Variants in METTL25 observed in about 807,000 individuals in gnomAD.
The protein encoded by METTL25 is probable methyltransferase-like protein 25.
In METTL25, 64 loss-of-function variants were observed where a neutral mutation model predicts 71.6. That is an observed-to-expected ratio of 0.89 (90% CI 0.73 to 1.10). The LOEUF is 1.10. METTL25 is among the 50% of genes least tolerant of loss of function. METTL25 has a pLI of 0.00. For missense variants in METTL25, 807 were observed against 707.0 expected, an observed-to-expected ratio of 1.14 and a Z score of -1.60; for synonymous variants, 287 against 250.3, an observed-to-expected ratio of 1.15 and a Z score of -1.38.
chr12:82,384,025 G>A (rs1182288909), intron 1 of METTL25, among the ~76,000 whole-genome samples: 1 of 151,278 alleles, frequency 6.6e-6, no homozygotes, highest in African/African-American at 2.4e-5. Flanking sequence ...TAGTGGTATG[G>A]GGTACATAAA....
intron 3 of METTL25, 26 bp from the exon 4 acceptor site, chr12:82,398,769 A>G (rs370266934): frequency 4.7e-5 from 66 of 1,404,644 alleles, no homozygotes; most frequent in Non-Finnish European, 5.4e-5. Context: ...AAAATTCTTT[A>G]ATTTATTCTT....
At chr12:82,478,345 A>G (rs987085416) in intron 11 of METTL25, among the ~76,000 whole-genome samples, 4 of 151,806 alleles carry the variant, frequency 2.6e-5, no homozygotes, top group African/African-American at 9.7e-5. Flanking sequence ...TTCAATTAAT[A>G]TCTTATAAAG....
intron 3 of METTL25, among the ~76,000 whole-genome samples, chr12:82,390,721 A>G (rs1343422865): frequency 6.6e-6 from 1 of 152,054 alleles, no homozygotes; most frequent in Non-Finnish European, 1.5e-5. Context: ...GGGTGGGTAT[A>G]GAGTAAGAGC....
At chr12:82,469,372 G>A (rs1892436977) in intron 9 of METTL25, among the ~76,000 whole-genome samples, 1 of 152,052 alleles carries the variant, frequency 6.6e-6, no homozygotes, top group Non-Finnish European at 1.5e-5. Context: ...GGGCTGGGGA[G>A]TCTTCAGGAA....
intron 8 of METTL25, among the ~76,000 whole-genome samples, chr12:82,441,003 T>G (rs1436920124): frequency 2.0e-5 from 3 of 151,976 alleles, no homozygotes; most frequent in Admixed American, 1.3e-4. Flanking sequence ...AGCACAGCTT[T>G]CAATAGAAAG....
intron 8 of METTL25, among the ~76,000 whole-genome samples, chr12:82,454,680 T>C (rs1037004758): frequency 2.0e-5 from 3 of 151,864 alleles, no homozygotes; most frequent in Non-Finnish European, 4.4e-5. Context: ...AAATTGAAAA[T>C]GTGTCTCTTA....
At chr12:82,400,296 C>T (rs1322599876) in intron 4 of METTL25, among the ~76,000 whole-genome samples, 4 of 151,508 alleles carry the variant, frequency 2.6e-5, no homozygotes, top group Non-Finnish European at 5.9e-5. Context: ...CGCACCACTG[C>T]ACTCTAGCCT....
chr12:82,390,659 A>G (rs1230431135), intron 3 of METTL25, among the ~76,000 whole-genome samples: 1 of 152,088 alleles, frequency 6.6e-6, no homozygotes, highest in Non-Finnish European at 1.5e-5. Flanking sequence ...TTAGAAAACT[A>G]TGAAAGTTTG....
intron 3 of METTL25, among the ~76,000 whole-genome samples, 195 bp from the exon 4 acceptor site, chr12:82,398,600 G>T (rs750510394): frequency 9.3e-5 from 14 of 150,750 alleles, no homozygotes; most frequent in Non-Finnish European, 1.9e-4. Context: ...TCTTTTCATT[G>T]ACTTATTAAA....
intron 5 of METTL25, among the ~76,000 whole-genome samples, chr12:82,423,043 C>T (rs1888665235): frequency 6.6e-6 from 1 of 151,008 alleles, no homozygotes; most frequent in Non-Finnish European, 1.5e-5. Context: ...TTGGAAAAAA[C>T]TAAAGTTCAT....
At position 82,358,601 on chromosome 12, in the gene METTL25, C is replaced by T. The variant is rs201544105; in HGVS notation, c.36C>T (p.Asp12=). The T allele has an allele frequency of 1.4e-4, 220 of 1,613,176 alleles. No individual in the cohort carries two copies. Among genetic ancestry groups the T allele is most frequent in the Admixed American group, 2.5e-4 (15 of 60,004 alleles). Residue 12 remains aspartate, a synonymous_variant, in exon 1 of 12, where the codon GAC becomes GAT. Transcript: ENST00000248306. ...AASCPLPVTP[D]LPTLRAKLQG... Reference sequence around the variant, plus strand: ...CTTGCCCTCTCCCGGTGACCCCGGACCTGCCCACGCTGCGTGCCAAGTTGC... The same window carrying T: ...CTTGCCCTCTCCCGGTGACCCCGGATCTGCCCACGCTGCGTGCCAAGTTGC...
intron 3 of METTL25, among the ~76,000 whole-genome samples, chr12:82,390,881 C>T (rs1303521263): frequency 2.0e-5 from 3 of 151,980 alleles, no homozygotes; most frequent in South Asian, 2.1e-4. Context: ...TCTTGGGGAG[C>T]GAGTGCTGTT....
intron 8 of METTL25, among the ~76,000 whole-genome samples, chr12:82,443,041 G>A (rs973373275): frequency 6.6e-5 from 10 of 151,576 alleles, no homozygotes; most frequent in African/African-American, 2.4e-4. Flanking sequence ...AGAAAACAAA[G>A]ACTAAGAGCT....
At chr12:82,384,309 G>T (rs1038524680) in intron 1 of METTL25, among the ~76,000 whole-genome samples, 5 of 151,894 alleles carry the variant, frequency 3.3e-5, no homozygotes, top group African/African-American at 4.8e-5. Context: ...TGTATGTATT[G>T]CTATTGTCCC....
intron 3 of METTL25, among the ~76,000 whole-genome samples, chr12:82,398,168 C>T (rs1407293792): frequency 6.6e-6 from 1 of 151,056 alleles, no homozygotes; most frequent in East Asian, 1.9e-4. Context: ...AGGTTTTGTA[C>T]ATCCTTCATT....
At chr12:82,372,211 G>C (rs900755691) in intron 1 of METTL25, among the ~76,000 whole-genome samples, 19 of 152,158 alleles carry the variant, frequency 1.2e-4, no homozygotes, top group Admixed American at 8.5e-4. Context: ...CCCCAGGTCT[G>C]CCTTGATCTG....
At chr12:82,425,854 C>G (rs1043302785) in intron 5 of METTL25, among the ~76,000 whole-genome samples, 1 of 151,938 alleles carries the variant, frequency 6.6e-6, no homozygotes, top group Non-Finnish European at 1.5e-5. Flanking sequence ...GATATTAACA[C>G]AAGAAGGAAT....
At chr12:82,441,328 C>T in intron 8 of METTL25, among the ~76,000 whole-genome samples, 1 of 150,008 alleles carries the variant, frequency 6.7e-6, no homozygotes, top group Admixed American at 6.7e-5. Context: ...AAAACCAATC[C>T]CAAATAACTA....
In METTL25 at chr12:82,399,285, A is replaced by G; in HGVS notation, c.1022A>G (p.Lys341Arg). 1 of 1,613,720 alleles carries G rather than the reference A, an allele frequency of 6.2e-7. No individual in the cohort carries two copies. Among genetic ancestry groups the G allele is most frequent in the East Asian group, 2.2e-5 (1 of 44,762 alleles). The change falls in exon 4 of 12, where the codon AAA becomes AGA. Residue 341 changes from lysine to arginine, a missense_variant. Physicochemically the swap from Lys to Arg is conservative, Grantham distance 26. Coordinates refer to ENST00000248306, the MANE Select transcript of METTL25 (RefSeq NM_032230.3). Reference protein sequence around the residue: ...IPNRETSEANKERRKMTSKSS... With the variant: ...IPNRETSEANRERRKMTSKSS... ...AACAGAGAAACATCTGAAGCCAATA[A>G]AGAGAGAAGAAAAATGACATCAAAG...
Sources: allele counts gnomAD v4.1 joint callset (sites outside exome capture counted in the v4.1 genomes callset), GRCh38; gene constraint gnomAD v4.1.1; transcripts MANE v1.5; gene names NCBI Gene and HGNC (gene_info 2026-07-23, HGNC 2026-07-21).